CACNA2D2: variants seen among roughly 807,000 people sequenced by gnomAD.
CACNA2D2 encodes calcium voltage-gated channel auxiliary subunit alpha2delta 2, also known as voltage-dependent calcium channel subunit alpha-2/delta-2.
A neutral mutation model predicts 166.4 loss-of-function variants in CACNA2D2; 48 were observed. The ratio of observed to expected loss-of-function variants is 0.29; its 90% CI spans 0.23 to 0.37. The LOEUF (loss-of-function observed/expected upper bound fraction) is 0.37. Ranked by LOEUF, CACNA2D2 falls within the 10% of genes least tolerant of loss-of-function variation. CACNA2D2 has a pLI of 1.00. For missense variants in CACNA2D2, 1,122 were observed against 1,433.0 expected, an observed-to-expected ratio of 0.78 and a Z score of 3.50; for synonymous variants, 561 against 573.7, an observed-to-expected ratio of 0.98 and a Z score of 0.32.
Position 50,365,554 on chromosome 3 carries a change from A to G in CACNA2D2, c.2972-72T>C, listed in dbSNP as rs1704209497. ...GGTCTCCGGCCTCCCTCAGTCGTAG[A>G]CCCCACCCTCCCCATGGAGTCGTCT... is the stretch of plus-strand genomic sequence containing the variant. On this transcript the variant is annotated intron_variant, in intron 34 of 37. Transcript: ENST00000424201. This position sits in a 1 kb window ranked among gnomAD's most constrained non-coding sequence, Gnocchi z 4.5. 6.3e-7 allele frequency: 1 copy of G among 1,589,452 alleles called. No homozygotes were observed. The highest frequency in any genetic ancestry group is 8.6e-7 in the Non-Finnish European group (1 of 1,167,998).
intron 3 of CACNA2D2, among the ~76,000 whole-genome samples, chr3:50,401,453 C>T (rs2106761656): frequency 6.6e-6 from 1 of 152,144 alleles, no homozygotes; most frequent in South Asian, 2.1e-4. Flanking sequence ...GGCTGTGCTT[C>T]AATTTCCTAG....
At chr3:50,484,535 A>C (rs1402771615) in intron 1 of CACNA2D2, among the ~76,000 whole-genome samples, 1 of 152,084 alleles carries the variant, frequency 6.6e-6, no homozygotes, top group East Asian at 1.9e-4. Flanking sequence ...AGGCTTCGGC[A>C]CATGCTGTTC....
At chr3:50,477,322 A>G (rs956321852) in intron 1 of CACNA2D2, among the ~76,000 whole-genome samples, 1 of 152,206 alleles carries the variant, frequency 6.6e-6, no homozygotes, top group Admixed American at 6.5e-5. Context: ...TTATAAGAAC[A>G]CATGAGAATA....
At chr3:50,437,797 C>T (rs1463854257) in intron 2 of CACNA2D2, among the ~76,000 whole-genome samples, 1 of 152,158 alleles carries the variant, frequency 6.6e-6, no homozygotes, top group Non-Finnish European at 1.5e-5. Flanking sequence ...AGCCTCTAGC[C>T]CTGGCTCCTA....
At chr3:50,462,218 ATC>A (rs1324229307) in intron 2 of CACNA2D2, among the ~76,000 whole-genome samples, 1 of 151,758 alleles carries the variant, frequency 6.6e-6, no homozygotes, top group African/African-American at 2.4e-5. Flanking sequence ...GCAAAATCTC[ATC>A]TCTACTACAA....
chr3:50,433,249 C>T (rs1027554784), intron 3 of CACNA2D2, among the ~76,000 whole-genome samples: 32 of 152,220 alleles, frequency 2.1e-4, no homozygotes, highest in African/African-American at 6.8e-4. Flanking sequence ...AATGGGATCA[C>T]ACAATATGTG....
chr3:50,363,444 A>T lies in CACNA2D2; in HGVS notation c.*1222T>A, dbSNP rs1704035689. 7.7e-6 allele frequency: 3 copies of T among 387,632 alleles called. No homozygotes were observed. Among genetic ancestry groups the T allele is most frequent in the Non-Finnish European group, 8.9e-6 (2 of 223,938 alleles). The allele number at this position is 387,632 out of a possible 1,614,324, so 24.0% of individuals were successfully genotyped here. A position where few individuals can be genotyped will look rare whatever the true frequency, so the allele number is the denominator to read the frequency against. On this transcript the variant is annotated 3_prime_UTR_variant, in exon 38 of 38. Coordinates refer to ENST00000424201, the MANE Select transcript of CACNA2D2 (RefSeq NM_006030.4). Reference sequence around the variant, plus strand: ...GGAAATGACCAGAATGAATGGTGTGAAGAGCTGTGCCCAGTCCCCACCTGT... The same window carrying T: ...GGAAATGACCAGAATGAATGGTGTGTAGAGCTGTGCCCAGTCCCCACCTGT...
intron 23 of CACNA2D2, among the ~76,000 whole-genome samples, chr3:50,370,048 C>T (rs1559879177): frequency 6.6e-6 from 1 of 152,230 alleles, no homozygotes; most frequent in African/African-American, 2.4e-5. Flanking sequence ...TGCCTGGTTG[C>T]CTGGGAGGGC....
intron 2 of CACNA2D2, among the ~76,000 whole-genome samples, chr3:50,454,948 G>A (rs1204271391): frequency 6.6e-6 from 1 of 152,136 alleles, no homozygotes; most frequent in African/African-American, 2.4e-5. Context: ...CCCCCTTGAA[G>A]CCACCCAGCA....
At chr3:50,496,334 C>A (rs561236643) in intron 1 of CACNA2D2, among the ~76,000 whole-genome samples, 82 of 152,364 alleles carry the variant, frequency 5.4e-4, no homozygotes, top group Non-Finnish European at 1.0e-3. Context: ...TGTGTGAGTA[C>A]AAACACACGC....
intron 5 of CACNA2D2, 106 bp from the exon 6 acceptor site, chr3:50,384,443 G>C: frequency 2.3e-6 from 3 of 1,290,314 alleles, no homozygotes; most frequent in Non-Finnish European, 2.2e-6. Flanking sequence ...GGAGATAGGG[G>C]CATCTCAAAA....
chr3:50,457,480 CA>C lies in CACNA2D2; in HGVS notation c.288+18637del, dbSNP rs551858919. On this transcript the variant is annotated intron_variant, in intron 2 of 37. Coordinates refer to ENST00000424201, the MANE Select transcript of CACNA2D2 (RefSeq NM_006030.4). Reference sequence around the variant, plus strand: ...TGTCTAGAAGGTGCTACACCCTGCTCACCCTCTCTCAGGGGCCAATGTCTCC... The same window carrying C: ...TGTCTAGAAGGTGCTACACCCTGCTCCCCTCTCTCAGGGGCCAATGTCTCC... 9.1e-4 allele frequency among the ~76,000 whole-genome samples: 139 copies of C among 152,318 alleles called. No homozygotes were observed. In the Middle Eastern group the frequency reaches 0.01, roughly 11 times the overall value.
Position 50,375,564 on chromosome 3 carries a change from TG to T in CACNA2D2, c.1907+79del. 1 of 1,470,714 alleles carries T rather than the reference TG, an allele frequency of 6.8e-7. No individual in the cohort carries two copies. The highest frequency in any genetic ancestry group is 9.4e-7 in the Non-Finnish European group (1 of 1,059,250). 91.1% of individuals were successfully genotyped at this position (1,470,714 alleles called of 1,614,324 possible). A position where few individuals can be genotyped will look rare whatever the true frequency, so the allele number is the denominator to read the frequency against. On this transcript the variant is annotated intron_variant, in intron 21 of 37. Transcript: ENST00000424201. This position sits in a 1 kb window ranked among gnomAD's most constrained non-coding sequence, Gnocchi z 4.0. Reference sequence around the variant, plus strand: ...TGCCCCACTGGGATGGTGGTCACAGTGGGAGAGGGAGGGGACAGCTGGGCTC... The same window carrying T: ...TGCCCCACTGGGATGGTGGTCACAGTGGAGAGGGAGGGGACAGCTGGGCTC...
intron 23 of CACNA2D2, among the ~76,000 whole-genome samples, chr3:50,369,922 G>A (rs1248210072): frequency 6.7e-6 from 1 of 148,846 alleles, no homozygotes; most frequent in Non-Finnish European, 1.5e-5. Flanking sequence ...ACTGACACAG[G>A]ACAACGATGG....
At chr3:50,451,129 G>GGCTGTTTTTTT (rs1042653583) in intron 2 of CACNA2D2, among the ~76,000 whole-genome samples, 4 of 152,030 alleles carry the variant, frequency 2.6e-5, no homozygotes, top group African/African-American at 7.2e-5. Context: ...TCCCACCAGG[G>GGCTGTTTTTTT]GCTGTTTTTT....
At chr3:50,459,541 C>A (rs1000022429) in intron 2 of CACNA2D2, among the ~76,000 whole-genome samples, 14 of 152,212 alleles carry the variant, frequency 9.2e-5, no homozygotes, top group African/African-American at 1.7e-4. Context: ...GGGTGTCACA[C>A]AGGAAGATGA....
intron 2 of CACNA2D2, among the ~76,000 whole-genome samples, chr3:50,470,450 A>G (rs1308713396): frequency 6.6e-6 from 1 of 152,128 alleles, no homozygotes; most frequent in Non-Finnish European, 1.5e-5. Flanking sequence ...CTCTCTGATG[A>G]GGGCGTGTGG....
intron 2 of CACNA2D2, among the ~76,000 whole-genome samples, chr3:50,451,331 G>A (rs900221267): frequency 3.9e-5 from 6 of 151,972 alleles, no homozygotes; most frequent in African/African-American, 9.7e-5. Context: ...TCACCATATT[G>A]GCCAGGCTGG....
chr3:50,467,002 G>C (rs1264435735), intron 2 of CACNA2D2, among the ~76,000 whole-genome samples: 1 of 152,228 alleles, frequency 6.6e-6, no homozygotes, highest in African/African-American at 2.4e-5. Flanking sequence ...GAAGAGGCCT[G>C]TAAGGGGGTG....
Sources: allele counts gnomAD v4.1 joint callset (sites outside exome capture counted in the v4.1 genomes callset), GRCh38; gene constraint gnomAD v4.1.1; non-coding constraint Gnocchi (gnomAD v3.1); transcripts MANE v1.5; gene names NCBI Gene and HGNC (gene_info 2026-07-23, HGNC 2026-07-21).